PDGFRB: variants seen among roughly 807,000 people sequenced by gnomAD.
PDGFRB encodes the protein platelet-derived growth factor receptor beta.
In PDGFRB, 42 loss-of-function variants were observed where a neutral mutation model predicts 120.2. That is an observed-to-expected ratio of 0.35 (90% CI 0.27 to 0.45). The LOEUF is 0.45. Ranked by LOEUF, PDGFRB falls within the 20% of genes least tolerant of loss-of-function variation. The pLI, the probability that PDGFRB is intolerant of heterozygous loss-of-function variation, is 1.00. For synonymous variants in PDGFRB, 586 were observed against 606.8 expected (o/e 0.97, Z 0.50); for missense variants, 1,149 against 1,476.3 (o/e 0.78, Z 3.63).
chr5:150,124,420 C>T (rs773755079), intron 13 of PDGFRB, 60 bp from the exon 14 acceptor site: 20 of 1,225,720 alleles, frequency 1.6e-5, no homozygotes, highest in Non-Finnish European at 2.3e-5. Context: ...GAGGCCCCAC[C>T]ACAGGAGCCT....
At chr5:150,135,063 G>T in intron 3 of PDGFRB, 47 bp from the exon 4 acceptor site, 1 of 1,014,406 alleles carries the variant, frequency 9.9e-7, no homozygotes, top group Non-Finnish European at 1.5e-6. Flanking sequence ...TGGGTTTCTG[G>T]CCATCCCCTG....
chr5:150,131,829 G>A (rs529578597), intron 8 of PDGFRB, 150 bp downstream of exon 8: 779 of 548,196 alleles, frequency 1.4e-3, no homozygotes, highest in Non-Finnish European at 1.5e-3. Flanking sequence ...AGGTTCACAC[G>A]GCAGTGGGTC....
At chr5:150,139,064 C>T (rs1447515343) in intron 1 of PDGFRB, among the ~76,000 whole-genome samples, 1 of 152,224 alleles carries the variant, frequency 6.6e-6, no homozygotes, top group Non-Finnish European at 1.5e-5. Context: ...TGTGGCACTC[C>T]ATCCTCTCCC....
At chr5:150,133,503 A>T in intron 6 of PDGFRB, 83 bp downstream of exon 6, 1 of 1,161,010 alleles carries the variant, frequency 8.6e-7, no homozygotes, top group Non-Finnish European at 1.3e-6. Context: ...TGCAACTCTC[A>T]CCATCACTCT....
chr5:150,127,527 T>C (rs1270631238), intron 10 of PDGFRB, among the ~76,000 whole-genome samples: 2 of 152,174 alleles, frequency 1.3e-5, no homozygotes, highest in Non-Finnish European at 2.9e-5. Context: ...GTGAATGCCA[T>C]TGTTATGCTT....
In PDGFRB at chr5:150,118,771, T is replaced by A. The variant is rs781775442; in HGVS notation, c.2880A>T (p.Arg960Ser). Reference sequence around the variant, plus strand: ...CCTTTTTGTAACCTTCGCCCAACAGTCTCTCGAGAAGCAGCACCAGCTGGG... The same window carrying A: ...CCTTTTTGTAACCTTCGCCCAACAGACTCTCGAGAAGCAGCACCAGCTGGG... ...PFSQLVLLLE[R>S]LLGEGYKKKY... The change falls in exon 21 of 23, where the codon AGA (arginine) becomes AGT (serine). Residue 960 changes from arginine to serine, a missense_variant. Transcript: ENST00000261799. 2.5e-6 allele frequency: 4 copies of A among 1,612,192 alleles called. No homozygotes were observed. In the South Asian group the frequency reaches 3.3e-5, roughly 13 times the overall value.
At chr5:150,117,990 A>G (rs1760016249) in intron 21 of PDGFRB, 140 bp from the exon 22 acceptor site, 2 of 622,448 alleles carry the variant, frequency 3.2e-6, no homozygotes, top group Non-Finnish European at 5.8e-6. Flanking sequence ...TGCCCAAGCC[A>G]CATGGTTGAG....
At chr5:150,128,247 C>G (rs1387940190) in intron 10 of PDGFRB, among the ~76,000 whole-genome samples, 1 of 152,268 alleles carries the variant, frequency 6.6e-6, no homozygotes, top group African/African-American at 2.4e-5. Context: ...TGGTCTTCCA[C>G]TCAGGCTGTC....
chr5:150,151,434 T>C (rs1472495788), intron 1 of PDGFRB, among the ~76,000 whole-genome samples: 1 of 152,156 alleles, frequency 6.6e-6, no homozygotes, highest in African/African-American at 2.4e-5. Flanking sequence ...CCCAGGGGCA[T>C]CCCAGGCCCC....
intron 1 of PDGFRB, chr5:150,153,450 A>C (rs1281380175): frequency 6.6e-6 from 1 of 152,208 alleles, no homozygotes; most frequent in African/African-American, 2.4e-5. Flanking sequence ...GTAAGCCTTT[A>C]GAGTCAGGCA....
intron 15 of PDGFRB, 62 bp from the exon 16 acceptor site, chr5:150,122,102 C>G: frequency 1.6e-6 from 2 of 1,282,588 alleles, no homozygotes; most frequent in Non-Finnish European, 2.2e-6. Flanking sequence ...CCCTCCTGCC[C>G]CTTGCCACTC....
rs111804281 is a variant in PDGFRB at position 150,132,243 on chromosome 5, G to A, written c.1128-149C>T. On this transcript the variant is annotated intron_variant, in intron 7 of 22. Coordinates refer to ENST00000261799, the MANE Select transcript of PDGFRB (RefSeq NM_002609.4). This position sits in a 1 kb window ranked among gnomAD's most constrained non-coding sequence, Gnocchi z 5.0. ...GTAGCAGAGCCGGGACTCAAACCAG[G>A]TCTCGTAAATCCTCACCCACAGGCA... 2.1e-5 allele frequency: 13 copies of A among 608,644 alleles called. 2 individuals are homozygous for A. The highest frequency in any genetic ancestry group is 9.3e-5 in the African/African-American group (5 of 53,966). The allele number at this position is 608,644 out of a possible 1,614,324, so 37.7% of individuals were successfully genotyped here.
chr5:150,124,913 C>T (rs1760253846), intron 12 of PDGFRB, 82 bp from the exon 13 acceptor site: 2 of 653,638 alleles, frequency 3.1e-6, no homozygotes, highest in Non-Finnish European at 5.3e-6. Context: ...CCCCACTCCC[C>T]TACCCCCGGC....
chr5:150,145,142 C>T (rs182213076), intron 1 of PDGFRB, among the ~76,000 whole-genome samples: 206 of 152,354 alleles, frequency 1.4e-3, no homozygotes, highest in African/African-American at 4.8e-3. Flanking sequence ...GTCTACTTAA[C>T]GTGCAGACAA....
rs750725462 is a variant in PDGFRB at position 150,129,809 on chromosome 5, C to T, written c.1527G>A (p.Thr509=). Residue 509 remains threonine, a synonymous_variant, in exon 10 of 23, where the codon ACG becomes ACA. Transcript: ENST00000261799. The part of the protein sequence containing the change: ...HVDRPLSVRC[T]LRNAVGQDTQ... The stretch of plus-strand genomic sequence containing the variant: ...TGTCCTGGCCCACAGCGTTGCGCAG[C>T]GTGCAGCGCACCGACAGTGGCCGAT... 8.7e-6 allele frequency: 14 copies of T among 1,613,870 alleles called. No homozygotes were observed. Among genetic ancestry groups the T allele is most frequent in the Admixed American group, 6.7e-5 (4 of 60,010 alleles).
rs1179205278 is a variant in PDGFRB, at chr5:150,135,418, C to G, written c.364+137G>C. The G allele has an allele frequency of 2.8e-5, 19 of 687,336 alleles. 1 individual carries two copies. The highest frequency in any genetic ancestry group is 4.6e-5 in the Non-Finnish European group (18 of 394,162). 42.6% of individuals were successfully genotyped at this position (687,336 alleles called of 1,614,324 possible). The stretch of plus-strand genomic sequence containing the variant: ...GGTGCGAACACACTCCCCGACTGAG[C>G]CAGGCTGGTTCCATGATTGTCTGCT... On this transcript the variant is annotated intron_variant, in intron 3 of 22. Coordinates refer to ENST00000261799, the MANE Select transcript of PDGFRB (RefSeq NM_002609.4).
At chr5:150,144,482 G>A (rs1283241978) in intron 1 of PDGFRB, among the ~76,000 whole-genome samples, 1 of 152,124 alleles carries the variant, frequency 6.6e-6, no homozygotes, top group African/African-American at 2.4e-5. Context: ...GGAAAGAAAT[G>A]ACCTATTTTC....
At position 150,117,767 on chromosome 5, in the gene PDGFRB, A is replaced by G; in HGVS notation, c.2988T>C (p.His996=). 1 of 1,613,644 alleles carries G rather than the reference A, an allele frequency of 6.2e-7. No homozygotes were observed. The highest frequency in any genetic ancestry group is 8.5e-7 in the Non-Finnish European group (1 of 1,179,624). Residue 996 remains histidine (H), a synonymous_variant, in exon 22 of 23, where the codon CAT becomes CAC. Coordinates refer to ENST00000261799, the MANE Select transcript of PDGFRB (RefSeq NM_002609.4). ...TGGTGTCCAGGGGAGATCGGAGGCC[A>G]TGGAACCCAGGCAAGCGGGCCTGGG... ...LRSQARLPGF[H]GLRSPLDTSS...
intron 1 of PDGFRB, among the ~76,000 whole-genome samples, chr5:150,146,332 A>G (rs1408607822): frequency 6.6e-6 from 1 of 152,186 alleles, no homozygotes; most frequent in Non-Finnish European, 1.5e-5. Context: ...GTCCCTACTA[A>G]TTTAGAGCCA....
Sources: allele counts gnomAD v4.1 joint callset (sites outside exome capture counted in the v4.1 genomes callset), GRCh38; gene constraint gnomAD v4.1.1; non-coding constraint Gnocchi (gnomAD v3.1); transcripts MANE v1.5; gene names NCBI Gene and HGNC (gene_info 2026-07-23, HGNC 2026-07-21).